Variants in FAT4 observed in about 807,000 individuals in gnomAD.
FAT4 encodes the protein FAT atypical cadherin 4.
In FAT4, 84 loss-of-function variants were observed where a neutral mutation model predicts 303.9. The observed-to-expected ratio is 0.28, with a 90% CI of 0.23 to 0.33. The LOEUF is 0.33. Among genes scored for constraint, FAT4 ranks in the 10% least tolerant of loss-of-function variants. The probability of loss-of-function intolerance (pLI) is 1.00; values close to 1 mark genes in which losing one functional copy is unlikely to be tolerated. For synonymous variants in FAT4, 2,307 were observed against 2,298.8 expected (o/e 1.00, Z -0.10); for missense variants, 6,005 against 6,146.8 (o/e 0.98, Z 0.77).
At chr4:125,364,664 G>T (rs1005414563) in intron 2 of FAT4, among the ~76,000 whole-genome samples, 2 of 151,952 alleles carry the variant, frequency 1.3e-5, no homozygotes, top group African/African-American at 4.8e-5. Flanking sequence ...ATGCATAAAT[G>T]CCATGAGCTG....
intron 2 of FAT4, among the ~76,000 whole-genome samples, chr4:125,391,392 G>A (rs1307608204): frequency 3.9e-5 from 6 of 152,060 alleles, no homozygotes; most frequent in South Asian, 2.1e-4. Flanking sequence ...GCTGGAAGCC[G>A]TCATCCTCAG....
At position 125,450,706 on chromosome 4, in the gene FAT4, G is replaced by A. The variant is rs142877205; in HGVS notation, c.9696G>A (p.Ala3232=). The change falls in exon 10 of 18, where the codon GCG becomes GCA. Residue 3232 remains alanine (A), a synonymous_variant. Transcript: ENST00000394329. ...ACTCTGGAACAAATGCTGTGATTGC[G>A]TATACTGTACAGTCATCTGACAGTG... ...DADSGTNAVI[A]YTVQSSDSDL... The A allele has an allele frequency of 3.5e-5, 56 of 1,614,068 alleles. No homozygotes were observed. The highest frequency in any genetic ancestry group is 1.5e-4 in the South Asian group (14 of 91,078).
In FAT4 at chr4:125,415,212, C is replaced by A; in HGVS notation, c.6249C>A (p.Ser2083Arg). 1.2e-6 allele frequency: 2 copies of A among 1,614,026 alleles called. No homozygotes were observed. Among genetic ancestry groups the A allele is most frequent in the Non-Finnish European group, 1.7e-6 (2 of 1,179,938 alleles). The change falls in exon 6 of 18, where the codon AGC becomes AGA. Residue 2083 changes from serine (S) to arginine (R), a missense_variant. By Grantham distance (110) the Ser-to-Arg change is moderately radical (BLOSUM62 -1). Transcript: ENST00000394329. Reference sequence around the variant, plus strand: ...CTGACCCAGATAGTGGCCCAAACAGCTATATTGAGTACACTCTGCTGAACC... The same window carrying A: ...CTGACCCAGATAGTGGCCCAAACAGATATATTGAGTACACTCTGCTGAACC... Reference protein sequence around the residue: ...QATDPDSGPNSYIEYTLLNPL... With the variant: ...QATDPDSGPNRYIEYTLLNPL...
In FAT4 at chr4:125,490,039, G is replaced by A. The variant is rs2126096178; in HGVS notation, c.13223G>A (p.Ser4408Asn). Reference sequence around the variant, plus strand: ...TGCCGTGGCCCGAACATTTGTGCCAGCAACCCCTGCTGGGGTGATTTGCTG... The same window carrying A: ...TGCCGTGGCCCGAACATTTGTGCCAACAACCCCTGCTGGGGTGATTTGCTG... ...IGCRGPNICASNPCWGDLLCI... is the reference protein window; with the variant it reads ...IGCRGPNICANNPCWGDLLCI... The change falls in exon 18 of 18, where the codon AGC becomes AAC. Residue 4408 changes from serine (S) to asparagine (N), a missense_variant. Ser to Asn is a conservative substitution (Grantham distance 46). Coordinates refer to ENST00000394329, the MANE Select transcript of FAT4 (RefSeq NM_001291303.3). 6.2e-7 allele frequency: 1 copy of A among 1,613,984 alleles called. No homozygotes were observed. Among genetic ancestry groups the A allele is most frequent in the Non-Finnish European group, 8.5e-7 (1 of 1,180,004 alleles).
In FAT4 at chr4:125,389,448, A is replaced by T. The variant is rs565200289; in HGVS notation, c.5176-9336A>T. 2.6e-5 allele frequency among the ~76,000 whole-genome samples: 4 copies of T among 152,232 alleles called. No homozygotes were observed. In the East Asian group the frequency reaches 7.7e-4, roughly 29 times the overall value. On this transcript the variant is annotated intron_variant, in intron 2 of 17. Coordinates refer to ENST00000394329, the MANE Select transcript of FAT4 (RefSeq NM_001291303.3). ...TTCTAGTAAAATATAATGCTTATTCATTTTTTTCTTCTAGTTCTAAAGAAA... is the reference window on the plus strand; with the variant it reads ...TTCTAGTAAAATATAATGCTTATTCTTTTTTTTCTTCTAGTTCTAAAGAAA...
rs1730786879 is a variant in FAT4, at chr4:125,318,862, A to G, written c.2451A>G (p.Ala817=). The G allele has an allele frequency of 6.2e-7, 1 of 1,614,196 alleles. No homozygotes were observed. The highest frequency in any genetic ancestry group is 8.5e-7 in the Non-Finnish European group (1 of 1,180,040). ...GATATCATGTGGGTAGTGTGTCTGC[A>G]TCCACCATGGATCTCAATTCCAACA... is the stretch of plus-strand genomic sequence containing the variant. ...ALGYHVGSVS[A]STMDLNSNIS... Residue 817 remains alanine (A), a synonymous_variant, in exon 2 of 18, where the codon GCA becomes GCG. Coordinates refer to ENST00000394329, the MANE Select transcript of FAT4 (RefSeq NM_001291303.3).
At chr4:125,373,226 C>A (rs1345056662) in intron 2 of FAT4, among the ~76,000 whole-genome samples, 1 of 151,950 alleles carries the variant, frequency 6.6e-6, no homozygotes, top group Non-Finnish European at 1.5e-5. Flanking sequence ...TATTTTTAGT[C>A]AAGTAATAAT....
rs1205137359 is a variant in FAT4, at chr4:125,398,809, A to G, written c.5201A>G (p.Asn1734Ser). 3 of 1,613,238 alleles carry G rather than the reference A, an allele frequency of 1.9e-6. No homozygotes were observed. Among genetic ancestry groups the G allele is most frequent in the East Asian group, 2.2e-5 (1 of 44,848 alleles). Residue 1734 changes from asparagine to serine, a missense_variant, in exon 3 of 18, where the codon AAT becomes AGT. Transcript: ENST00000394329. ...AEVEITLQDI[N>S]DNPPVFPTDM... The stretch of plus-strand genomic sequence containing the variant: ...GTAGAAATAACACTTCAGGATATCA[A>G]TGACAATCCACCAGTATTTCCAACG...
intron 2 of FAT4, among the ~76,000 whole-genome samples, chr4:125,353,070 G>A (rs972312): frequency 6.6e-6 from 1 of 151,600 alleles, no homozygotes; most frequent in African/African-American, 2.4e-5. Flanking sequence ...AATTTTAGCA[G>A]ATTGTAAATT....
chr4:125,338,654 T>TGTGATGAAA (rs568137608), intron 2 of FAT4, among the ~76,000 whole-genome samples: 38 of 152,164 alleles, frequency 2.5e-4, no homozygotes, highest in Non-Finnish European at 4.3e-4. Context: ...AAAAGATTGC[T>TGTGATGAAA]GTGATGAAAA....
intron 2 of FAT4, among the ~76,000 whole-genome samples, chr4:125,372,237 C>G (rs963111865): frequency 6.6e-6 from 1 of 151,800 alleles, no homozygotes; most frequent in African/African-American, 2.4e-5. Flanking sequence ...TGGTACACAC[C>G]TGCAGTTCCA....
chr4:125,315,298 A>G lies in FAT4; in HGVS notation c.-692A>G, dbSNP rs1005285451. Among the ~76,000 whole-genome samples the G allele has an allele frequency of 6.6e-6, 1 of 152,082 alleles. No individual in the cohort carries two copies. The highest frequency in any genetic ancestry group is 2.4e-5 in the African/African-American group (1 of 41,442). ...TCGCCGCCTCCGCTGCCAACTGTGA[A>G]GGAGAGAGAGGCATCAACCACCCCC... On this transcript the variant is annotated 5_prime_UTR_variant, in exon 1 of 18. Transcript: ENST00000394329.
chr4:125,435,029 A>G (rs1191107820), intron 8 of FAT4, among the ~76,000 whole-genome samples: 3 of 152,212 alleles, frequency 2.0e-5, no homozygotes, highest in Non-Finnish European at 4.4e-5. Flanking sequence ...ATTCACTGTG[A>G]GGAGAAACAT....
chr4:125,391,557 T>G (rs7687257), intron 2 of FAT4, among the ~76,000 whole-genome samples: 144,872 of 152,144 alleles, frequency 0.95, 69,358 homozygotes, highest in East Asian at 1. Flanking sequence ...TGGAGGTTGG[T>G]TCAATCAGTG....
intron 2 of FAT4, among the ~76,000 whole-genome samples, chr4:125,372,423 C>CA (rs947560000): frequency 1.6e-4 from 23 of 144,866 alleles, no homozygotes; most frequent in Admixed American, 4.8e-4. Flanking sequence ...ACACTAATAA[C>CA]AAAAAAAATA....
chr4:125,328,646 T>C (rs928828904), intron 2 of FAT4, among the ~76,000 whole-genome samples: 1 of 152,240 alleles, frequency 6.6e-6, no homozygotes, highest in Non-Finnish European at 1.5e-5. Flanking sequence ...GATTCTAACA[T>C]ATATAAATCG....
In FAT4 at chr4:125,416,721, G is replaced by A. The variant is rs1735089545; in HGVS notation, c.7018+99G>A. 1.7e-5 allele frequency: 21 copies of A among 1,218,354 alleles called. 1 individual carries two copies. The highest frequency in any genetic ancestry group is 2.4e-5 in the Non-Finnish European group (21 of 865,356). The allele number at this position is 1,218,354 out of a possible 1,614,324, so 75.5% of individuals were successfully genotyped here. ...AGCACTTTGGGAGGCCAAGGTGGAT[G>A]GATTACTTGAGGTCGGGAGTTCAAG... is the stretch of plus-strand genomic sequence containing the variant. On this transcript the variant is annotated intron_variant, in intron 7 of 17. Transcript: ENST00000394329.
At chr4:125,422,834 A>T (rs1315451895) in intron 7 of FAT4, among the ~76,000 whole-genome samples, 1 of 152,172 alleles carries the variant, frequency 6.6e-6, no homozygotes, top group Non-Finnish European at 1.5e-5. Context: ...GAAAGTTTGG[A>T]ACTTCCTACA....
chr4:125,414,664 CT>C (rs1173611612), intron 5 of FAT4, among the ~76,000 whole-genome samples: 1 of 152,058 alleles, frequency 6.6e-6, no homozygotes, highest in Non-Finnish European at 1.5e-5. Flanking sequence ...AAAATATCTG[CT>C]CTCTGGAATA....
Sources: allele counts gnomAD v4.1 joint callset (sites outside exome capture counted in the v4.1 genomes callset), GRCh38; gene constraint gnomAD v4.1.1; transcripts MANE v1.5; gene names NCBI Gene and HGNC (gene_info 2026-07-23, HGNC 2026-07-21).